Variants in KHDRBS2 observed in about 807,000 individuals in gnomAD.
KHDRBS2 encodes the protein KH RNA binding domain containing, signal transduction associated 2.
Under a neutral mutation model 44.3 loss-of-function variants are expected in KHDRBS2, and 26 were observed. The observed-to-expected ratio is 0.59, with a 90% confidence interval of 0.43 to 0.81. The LOEUF (loss-of-function observed/expected upper bound fraction) is 0.81, where lower values mean the gene tolerates loss of function less well. Ranked by LOEUF, KHDRBS2 falls within the 40% of genes least tolerant of loss-of-function variation. The probability of loss-of-function intolerance (pLI) is 0.00; values close to 1 mark genes in which losing one functional copy is unlikely to be tolerated. For synonymous variants in KHDRBS2, 194 were observed against 151.1 expected, an observed-to-expected ratio of 1.28 and a Z score of -2.08; for missense variants, 476 against 433.1, an observed-to-expected ratio of 1.10 and a Z score of -0.88.
intron 4 of KHDRBS2, among the ~76,000 whole-genome samples, chr6:61,946,716 C>T (rs1022092113): frequency 1.3e-5 from 2 of 152,068 alleles, no homozygotes; most frequent in African/African-American, 2.4e-5. Context: ...GCTGTTAGAG[C>T]GCTAGCATTA....
At chr6:61,564,961 A>G in the KHDRBS2 span, among the ~76,000 whole-genome samples, 2 of 151,974 alleles carry the variant, frequency 1.3e-5, no homozygotes, top group African/African-American at 4.8e-5. Flanking sequence ...CCAATGAGAC[A>G]GAATAAAGAA....
At chr6:61,757,210 T>C (rs1329584962) in intron 6 of KHDRBS2, among the ~76,000 whole-genome samples, 1 of 152,188 alleles carries the variant, frequency 6.6e-6, no homozygotes, top group Non-Finnish European at 1.5e-5. Flanking sequence ...AAGTTTTCCA[T>C]ATCTTTGCTG....
intron 3 of KHDRBS2, among the ~76,000 whole-genome samples, chr6:62,010,524 T>C (rs777238319): frequency 6.6e-6 from 1 of 152,130 alleles, no homozygotes; most frequent in Non-Finnish European, 1.5e-5. Context: ...TGGAATAATA[T>C]GGTCTAGCTC....
intron 3 of KHDRBS2, among the ~76,000 whole-genome samples, chr6:62,015,801 G>A (rs1781109488): frequency 6.6e-6 from 1 of 152,158 alleles, no homozygotes; most frequent in Non-Finnish European, 1.5e-5. Flanking sequence ...CAGAAAATTA[G>A]ATGGATTTCA....
chr6:62,165,936 T>A (rs2150115310), intron 2 of KHDRBS2, among the ~76,000 whole-genome samples: 1 of 152,110 alleles, frequency 6.6e-6, no homozygotes, highest in Non-Finnish European at 1.5e-5. Flanking sequence ...AAACAAAAAC[T>A]CGGTACCCAT....
At chr6:61,898,066 T>C (rs1188452979) in intron 5 of KHDRBS2, among the ~76,000 whole-genome samples, 1 of 152,112 alleles carries the variant, frequency 6.6e-6, no homozygotes, top group Non-Finnish European at 1.5e-5. Context: ...GATAGGATTA[T>C]TGAAATGTAA....
chr6:61,891,436 T>C (rs1383046607), intron 6 of KHDRBS2, among the ~76,000 whole-genome samples: 1 of 152,186 alleles, frequency 6.6e-6, no homozygotes, highest in African/African-American at 2.4e-5. Context: ...ATCAGGATGA[T>C]GCTGGCCTCA....
At chr6:62,067,867 T>C (rs1794110361) in intron 2 of KHDRBS2, among the ~76,000 whole-genome samples, 1 of 151,654 alleles carries the variant, frequency 6.6e-6, no homozygotes, top group Non-Finnish European at 1.5e-5. Flanking sequence ...TTACTGTCTT[T>C]TAGGTTCATA....
chr6:61,695,963 T>C (rs376131712), intron 8 of KHDRBS2, among the ~76,000 whole-genome samples: 23 of 152,216 alleles, frequency 1.5e-4, no homozygotes, highest in African/African-American at 4.6e-4. Context: ...GAACATGGTA[T>C]TATTTAATTT....
the KHDRBS2 span, among the ~76,000 whole-genome samples, chr6:61,611,134 C>G: frequency 2.6e-5 from 4 of 152,124 alleles, no homozygotes; most frequent in African/African-American, 9.7e-5. Context: ...AAATACAACT[C>G]AAAACAATCA....
At chr6:62,123,430 C>T (rs758233062) in intron 2 of KHDRBS2, among the ~76,000 whole-genome samples, 7 of 152,190 alleles carry the variant, frequency 4.6e-5, no homozygotes, top group East Asian at 3.9e-4. Flanking sequence ...GGGATGGCTG[C>T]GTCAAACAGT....
chr6:61,620,297 G>C, the KHDRBS2 span, among the ~76,000 whole-genome samples: 1 of 151,276 alleles, frequency 6.6e-6, no homozygotes, highest in East Asian at 1.9e-4. Flanking sequence ...TAGACTTAAG[G>C]AGCCTATTTC....
chr6:62,130,813 T>C (rs553453841), intron 2 of KHDRBS2, among the ~76,000 whole-genome samples: 1 of 152,026 alleles, frequency 6.6e-6, no homozygotes, highest in Non-Finnish European at 1.5e-5. Flanking sequence ...TATTTTATAA[T>C]AGTGTCAAAT....
intron 1 of KHDRBS2, among the ~76,000 whole-genome samples, chr6:62,206,425 C>A (rs367772439): frequency 6.6e-6 from 1 of 152,030 alleles, no homozygotes; most frequent in South Asian, 2.1e-4. Context: ...TTCTCAGATG[C>A]CTTGTTATTA....
intron 4 of KHDRBS2, among the ~76,000 whole-genome samples, chr6:61,929,223 T>C (rs542252548): frequency 1.3e-5 from 2 of 152,308 alleles, no homozygotes; most frequent in East Asian, 3.9e-4. Flanking sequence ...TATGGGGTTG[T>C]GTAATCTTTT....
chr6:61,556,977 G>C, the KHDRBS2 span, among the ~76,000 whole-genome samples: 5 of 135,688 alleles, frequency 3.7e-5, no homozygotes, highest in Non-Finnish European at 6.1e-5. Flanking sequence ...CTTTATTTAT[G>C]CTGAGGTGTT....
chr6:61,857,810 C>A (rs1403462144), intron 6 of KHDRBS2, among the ~76,000 whole-genome samples: 1 of 151,852 alleles, frequency 6.6e-6, no homozygotes, highest in Non-Finnish European at 1.5e-5. Flanking sequence ...TTACTGGTAT[C>A]CAATAACCTC....
intron 2 of KHDRBS2, among the ~76,000 whole-genome samples, chr6:62,170,279 C>A (rs546189088): frequency 6.6e-6 from 1 of 152,108 alleles, no homozygotes; most frequent in South Asian, 2.1e-4. Flanking sequence ...AGGATCAGGG[C>A]ATGTCTCCCT....
intron 1 of KHDRBS2, among the ~76,000 whole-genome samples, chr6:62,197,572 C>T (rs890530732): frequency 2.0e-5 from 3 of 152,102 alleles, no homozygotes; most frequent in African/African-American, 7.2e-5. Flanking sequence ...TTTCCTGAAC[C>T]CAGTTTTTCA....
Sources: gnomAD v4.1 joint callset for allele counts (sites outside exome capture counted in the v4.1 genomes callset) on GRCh38, gnomAD v4.1.1 for gene constraint, MANE v1.5 for transcripts, NCBI Gene and HGNC (gene_info 2026-07-23, HGNC 2026-07-21) for gene names.